Variants in CRYBA4 observed in about 807,000 individuals in gnomAD.
The protein encoded by CRYBA4 is beta-crystallin A4.
In CRYBA4, 30 loss-of-function variants were observed where a neutral mutation model predicts 31.7. The ratio of observed to expected loss-of-function variants is 0.95; its 90% CI spans 0.71 to 1.28. CRYBA4 has a LOEUF of 1.28. Ranked by LOEUF, CRYBA4 falls within the 50% of genes most tolerant of loss-of-function variation. The probability of loss-of-function intolerance (pLI) is 0.00; values close to 1 mark genes in which losing one functional copy is unlikely to be tolerated. For synonymous variants in CRYBA4, 102 were observed against 102.3 expected (o/e 1.00, Z 0.02); for missense variants, 225 against 260.7 (o/e 0.86, Z 0.94).
At chr22:26,599,151 C>T in the CRYBA4 span, 3 of 336,552 alleles carry the variant, frequency 8.9e-6, no homozygotes, top group Admixed American at 1.3e-4. Context: ...ACCTAGTATC[C>T]TTGGACAGCA....
the CRYBA4 span, chr22:26,599,501 G>C: frequency 3.1e-6 from 5 of 1,612,456 alleles, no homozygotes; most frequent in African/African-American, 6.7e-5. Context: ...CACTTGGGGG[G>C]CTCTGTGGCC....
chr22:26,599,806 C>T, the CRYBA4 span: 1 of 757,876 alleles, frequency 1.3e-6, no homozygotes, highest in Non-Finnish European at 2.3e-6. Context: ...CTGGCTATAT[C>T]CCTTCCTGCT....
the CRYBA4 span, among the ~76,000 whole-genome samples, chr22:26,603,141 A>C: frequency 2.6e-5 from 4 of 151,750 alleles, no homozygotes; most frequent in African/African-American, 9.7e-5. Context: ...AAAAAAAAAA[A>C]AAACAAAAAA....
intron 3 of CRYBA4, among the ~76,000 whole-genome samples, chr22:26,624,188 C>T (rs1360022246): frequency 6.6e-6 from 1 of 151,376 alleles, no homozygotes; most frequent in African/African-American, 2.4e-5. Context: ...CCAGTAGCTA[C>T]CATATTGGAT....
the CRYBA4 span, chr22:26,616,389 C>T: frequency 8.4e-7 from 1 of 1,194,450 alleles, no homozygotes; most frequent in Non-Finnish European, 1.2e-6. Context: ...CTGCCTCCTG[C>T]CCTCATAGCC....
the CRYBA4 span, among the ~76,000 whole-genome samples, chr22:26,590,704 C>T: frequency 2.2e-4 from 34 of 152,146 alleles, no homozygotes; most frequent in Non-Finnish European, 4.1e-4. Context: ...TGAGTAGAGG[C>T]CTGGAATGCT....
At chr22:26,627,340 C>T (rs1929732133) in intron 4 of CRYBA4, among the ~76,000 whole-genome samples, 1 of 30,420 alleles carries the variant, frequency 3.3e-5, no homozygotes, top group Non-Finnish European at 5.0e-5. Flanking sequence ...CTTTCCCCTC[C>T]CTCCCTCCCT....
upstream of CRYBA4, among the ~76,000 whole-genome samples, chr22:26,619,970 G>C (rs1569209269): frequency 6.6e-6 from 1 of 151,370 alleles, no homozygotes; most frequent in South Asian, 2.1e-4. Flanking sequence ...CTGTCTTATG[G>C]AGCCAATTTA....
chr22:26,598,463 A>G, the CRYBA4 span, among the ~76,000 whole-genome samples: 21 of 151,542 alleles, frequency 1.4e-4, no homozygotes, highest in Admixed American at 1.4e-3. Context: ...TGTAGCCTCA[A>G]ATTCCCAGGC....
chr22:26,593,228 A>C, the CRYBA4 span, among the ~76,000 whole-genome samples: 1 of 152,242 alleles, frequency 6.6e-6, no homozygotes, highest in African/African-American at 2.4e-5. Flanking sequence ...GGTTTTATCA[A>C]AAGCAGGAAG....
the CRYBA4 span, among the ~76,000 whole-genome samples, chr22:26,614,529 C>T: frequency 4.6e-5 from 7 of 152,142 alleles, no homozygotes; most frequent in Non-Finnish European, 8.8e-5. Context: ...CCACTGAAAT[C>T]GTGCTTAGCA....
At chr22:26,595,393 A>G in the CRYBA4 span, among the ~76,000 whole-genome samples, 3 of 152,108 alleles carry the variant, frequency 2.0e-5, no homozygotes, top group Admixed American at 2.0e-4. Flanking sequence ...CCTGACCAAC[A>G]TGGAAAAACC....
intron 5 of CRYBA4, among the ~76,000 whole-genome samples, chr22:26,628,909 C>T: frequency 6.6e-6 from 1 of 152,184 alleles, no homozygotes; most frequent in Non-Finnish European, 1.5e-5. Flanking sequence ...ATCATCATGC[C>T]CATAGGAATG....
In CRYBA4 at chr22:26,626,755, C is replaced by T. The variant is rs1477102614; in HGVS notation, c.300+1133C>T. On this transcript the variant is annotated intron_variant, in intron 4 of 5. Transcript: ENST00000354760. ...TTAGATTTTGGAGCATTTTGGATTT[C>T]GGATTTTTAGGTTAGGGATGTTCAA... is the stretch of plus-strand genomic sequence containing the variant. Among the ~76,000 whole-genome samples the T allele has an allele frequency of 2.0e-5, 3 of 152,234 alleles. No individual in the cohort carries two copies. The East Asian group carries it at 5.8e-4, about 29-fold the overall frequency.
chr22:26,593,057 C>T, the CRYBA4 span, among the ~76,000 whole-genome samples: 6 of 152,218 alleles, frequency 3.9e-5, no homozygotes, highest in African/African-American at 1.4e-4. Context: ...GACCAGACAC[C>T]AGACTGTGCA....
At chr22:26,607,976 G>T in the CRYBA4 span, 2 of 1,614,226 alleles carry the variant, frequency 1.2e-6, no homozygotes, top group Non-Finnish European at 8.5e-7. Flanking sequence ...CCTTCTCCAG[G>T]ATGAACATCT....
chr22:26,611,901 G>A, the CRYBA4 span, among the ~76,000 whole-genome samples: 1 of 152,190 alleles, frequency 6.6e-6, no homozygotes, highest in East Asian at 1.9e-4. Flanking sequence ...CGTAAAATGA[G>A]ATTGAGAACA....
At chr22:26,603,517 A>G in the CRYBA4 span, among the ~76,000 whole-genome samples, 2 of 151,854 alleles carry the variant, frequency 1.3e-5, no homozygotes, top group African/African-American at 4.8e-5. Flanking sequence ...GCGACAGAGC[A>G]AGACTGTCTC....
chr22:26,599,468 G>A, the CRYBA4 span: 6 of 1,599,358 alleles, frequency 3.8e-6, no homozygotes, highest in South Asian at 1.1e-5. Flanking sequence ...GTTGGGGCAA[G>A]GTAGCAGAGT....
Sources: allele counts gnomAD v4.1 joint callset (sites outside exome capture counted in the v4.1 genomes callset), GRCh38; gene constraint gnomAD v4.1.1; transcripts MANE v1.5; gene names NCBI Gene and HGNC (gene_info 2026-07-23, HGNC 2026-07-21).